MXRA8: variants seen among roughly 807,000 people sequenced by gnomAD.
MXRA8 encodes matrix remodeling associated 8.
In MXRA8, 44 loss-of-function variants were observed where a neutral mutation model predicts 51.4. That is an observed-to-expected ratio of 0.86 (90% confidence interval 0.67 to 1.10). The LOEUF (loss-of-function observed/expected upper bound fraction) is 1.10, where lower values mean the gene tolerates loss of function less well. Ranked by LOEUF, MXRA8 falls within the 50% of genes least tolerant of loss-of-function variation. The pLI is 0.00. For missense variants in MXRA8, 765 were observed against 638.9 expected, an observed-to-expected ratio of 1.20 and a Z score of -2.13; for synonymous variants, 369 against 293.5, an observed-to-expected ratio of 1.26 and a Z score of -2.63.
chr1:1,353,565 A>C lies in MXRA8; in HGVS notation c.*39T>G, dbSNP rs1644046637. On this transcript the variant is annotated 3_prime_UTR_variant, in exon 10 of 10. Coordinates refer to ENST00000309212, the MANE Select transcript of MXRA8 (RefSeq NM_032348.4). Reference sequence around the variant, plus strand: ...ATGCCCCGAGGAGCACAGACAGGAGAGGTGCAGCTGCTGGCCCAGCCAGGA... The same window carrying C: ...ATGCCCCGAGGAGCACAGACAGGAGCGGTGCAGCTGCTGGCCCAGCCAGGA... The C allele has an allele frequency of 6.4e-7, 1 of 1,553,788 alleles. No individual in the cohort carries two copies. Among genetic ancestry groups the C allele is most frequent in the African/African-American group, 1.4e-5 (1 of 73,712 alleles).
At chr1:1,353,773 A>G (rs1242613726) in intron 9 of MXRA8, 75 bp downstream of exon 9, 2 of 1,486,876 alleles carry the variant, frequency 1.3e-6, no homozygotes, top group Admixed American at 2.2e-5. Context: ...GGTGCCTGCC[A>G]TCGTTGGTCC....
At chr1:1,358,377 G>A (rs540410422) in intron 1 of MXRA8, 79 bp downstream of exon 1, 2 of 1,475,416 alleles carry the variant, frequency 1.4e-6, no homozygotes, top group Non-Finnish European at 1.8e-6. Flanking sequence ...CCCAAGCTCA[G>A]ATGGGCGGTT....
upstream of MXRA8, among the ~76,000 whole-genome samples, chr1:1,363,353 C>T (rs1644240015): frequency 2.0e-5 from 3 of 152,166 alleles, no homozygotes; most frequent in South Asian, 6.2e-4. Context: ...AACATCTTGG[C>T]CCACTGCAGC....
Position 1,355,512 on chromosome 1 carries a change from C to T in MXRA8, c.314G>A (p.Arg105His). 1.3e-6 allele frequency: 2 copies of T among 1,502,504 alleles called. No individual in the cohort carries two copies. Among genetic ancestry groups the T allele is most frequent in the Non-Finnish European group, 1.8e-6 (2 of 1,137,196 alleles). The allele number at this position is 1,502,504 out of a possible 1,614,324, so 93.1% of individuals were successfully genotyped here. A position where few individuals can be genotyped will look rare whatever the true frequency, so the allele number is the denominator to read the frequency against. The change falls in exon 3 of 10, where the codon CGC becomes CAC. Residue 105 changes from arginine to histidine, a missense_variant. Arg to His is a conservative substitution (Grantham distance 29). Transcript: ENST00000309212. ...CGAGGCCGAGAGCTCCAGGCGGCCG[C>T]GGTCCCGCGCCTCGTACACGCGCTG... The part of the protein sequence containing the change: ...GEQRVYEARD[R>H]GRLELSASAF...
chr1:1,360,791 C>T (rs1322220614), upstream of MXRA8, among the ~76,000 whole-genome samples: 1 of 152,172 alleles, frequency 6.6e-6, no homozygotes, highest in African/African-American at 2.4e-5. Context: ...GGAAGAAAAA[C>T]CACAGGCACT....
In MXRA8 at chr1:1,353,518, G is replaced by C; in HGVS notation, c.*86C>G. On this transcript the variant is annotated 3_prime_UTR_variant, in exon 10 of 10. Transcript: ENST00000309212. ...AGCGGGACCAGCCGCTGGAAGGGGG[G>C]TGAGCCCCGGAGCATCAGGAGATGC... 1 of 1,516,836 alleles carries C rather than the reference G, an allele frequency of 6.6e-7. No homozygotes were observed. The highest frequency in any genetic ancestry group is 8.8e-7 in the Non-Finnish European group (1 of 1,130,786). 94.0% of individuals were successfully genotyped at this position (1,516,836 alleles called of 1,614,324 possible).
At chr1:1,357,492 C>T (rs973701356) in intron 1 of MXRA8, among the ~76,000 whole-genome samples, 5 of 152,138 alleles carry the variant, frequency 3.3e-5, no homozygotes, top group African/African-American at 1.2e-4. Context: ...GGGCTCGTGC[C>T]GCTTGCCTTA....
In MXRA8 at chr1:1,355,601, C is replaced by G. The variant is rs1644109300; in HGVS notation, c.225G>C (p.Trp75Cys). Residue 75 changes from tryptophan to cysteine, a missense_variant, in exon 3 of 10, where the codon TGG (tryptophan) becomes TGC (cysteine). Coordinates refer to ENST00000309212, the MANE Select transcript of MXRA8 (RefSeq NM_032348.4). ...GGCCACCCCCGGGGCCGCGCAGGTCCCAGTGGAGCACGCGCTGGCGGTCGT... is the reference window on the plus strand; with the variant it reads ...GGCCACCCCCGGGGCCGCGCAGGTCGCAGTGGAGCACGCGCTGGCGGTCGT... ...RLHDRQRVLH[W>C]DLRGPGGGPA... is the part of the protein sequence containing the mutation. The G allele has an allele frequency of 6.8e-7, 1 of 1,472,188 alleles. No homozygotes were observed. The highest frequency in any genetic ancestry group is 1.3e-5 in the South Asian group (1 of 77,448). 91.2% of individuals were successfully genotyped at this position (1,472,188 alleles called of 1,614,324 possible).
At chr1:1,358,610 G>T, upstream of MXRA8, 1 of 1,475,430 alleles carries the variant, frequency 6.8e-7, no homozygotes, top group Non-Finnish European at 9.0e-7. Flanking sequence ...ACATCACGGA[G>T]GCCTGGGCCT....
In MXRA8 at chr1:1,354,061, C is replaced by T. The variant is rs995458657; in HGVS notation, c.1191G>A (p.Gln397=). The T allele has an allele frequency of 6.2e-7, 1 of 1,612,988 alleles. No homozygotes were observed. The highest frequency in any genetic ancestry group is 1.3e-5 in the African/African-American group (1 of 75,062). Reference sequence around the variant, plus strand: ...GGATGTCCTCACTCCTGTAAAGCATCTGGTCCCCTGCAGCCACAGCGAACT... The same window carrying T: ...GGATGTCCTCACTCCTGTAAAGCATTTGGTCCCCTGCAGCCACAGCGAACT... ...LAEFAVAAGD[Q]MLYRSEDIQL... Residue 397 remains glutamine, a synonymous_variant, in exon 8 of 10, where the codon CAG becomes CAA. Coordinates refer to ENST00000309212, the MANE Select transcript of MXRA8 (RefSeq NM_032348.4).
upstream of MXRA8, among the ~76,000 whole-genome samples, chr1:1,359,844 C>G (rs1644198129): frequency 6.6e-6 from 1 of 152,184 alleles, no homozygotes; most frequent in Admixed American, 6.5e-5. Context: ...GCCTTTCATT[C>G]TGGAAAAACA....
rs1198414113 is a variant in MXRA8 at position 1,355,363 on chromosome 1, A to G, written c.377-18T>C. The G allele has an allele frequency of 6.4e-7, 1 of 1,567,176 alleles. No homozygotes were observed. Among genetic ancestry groups the G allele is most frequent in the Non-Finnish European group, 8.6e-7 (1 of 1,161,476 alleles). ...CTCCACCGCTGCGCACCCAGGAGGA[A>G]GCCGCGCGTGAGCCTTGCGGTGCCC... On this transcript the variant is annotated intron_variant, in intron 3 of 9. Transcript: ENST00000309212.
chr1:1,358,657 C>T (rs138031700), upstream of MXRA8: 3,346 of 1,408,710 alleles, frequency 2.4e-3, 84 homozygotes, highest in African/African-American at 0.044. Context: ...TGGCTCCTGC[C>T]GGGCCCCTTG....
At position 1,355,464 on chromosome 1, in the gene MXRA8, G is replaced by A; in HGVS notation, c.362C>T (p.Ser121Leu). The A allele has an allele frequency of 6.6e-7, 1 of 1,508,122 alleles. No homozygotes were observed. The highest frequency in any genetic ancestry group is 2.7e-5 in the East Asian group (1 of 36,820). The allele number at this position is 1,508,122 out of a possible 1,614,324, so 93.4% of individuals were successfully genotyped here. A position where few individuals can be genotyped will look rare whatever the true frequency, so the allele number is the denominator to read the frequency against. ...GGTCCCCGCACCGCGGATGAGCAGC[G>A]AGAAGTTGCCGTCGTCGAAGGCCGA... ...SASAFDDGNF[S>L]LLIRAVEETD... Residue 121 changes from serine to leucine, a missense_variant, in exon 3 of 10, where the codon TCG becomes TTG. By Grantham distance (145) the Ser-to-Leu change is moderately radical. Coordinates refer to ENST00000309212, the MANE Select transcript of MXRA8 (RefSeq NM_032348.4).
Position 1,358,528 on chromosome 1 carries a change from T to A in MXRA8, c.-24A>T, listed in dbSNP as rs759147986. 3 of 1,609,570 alleles carry A rather than the reference T, an allele frequency of 1.9e-6. No individual in the cohort carries two copies. The African/African-American group carries it at 4.0e-5, about 22-fold the overall frequency. ...ATGGCCCCCGCCCAGCCCCAGGCTTTGTCCCACTCGGCTCTAAGTCTCTCT... is the reference window on the plus strand; with the variant it reads ...ATGGCCCCCGCCCAGCCCCAGGCTTAGTCCCACTCGGCTCTAAGTCTCTCT... On this transcript the variant is annotated 5_prime_UTR_variant, in exon 1 of 10. Coordinates refer to ENST00000309212, the MANE Select transcript of MXRA8 (RefSeq NM_032348.4).
At chr1:1,363,158 C>G (rs1360321812), upstream of MXRA8, among the ~76,000 whole-genome samples, 1 of 151,968 alleles carries the variant, frequency 6.6e-6, no homozygotes, top group Non-Finnish European at 1.5e-5. Context: ...TGGTGTGCAC[C>G]TGTAGTCCGA....
In MXRA8 at chr1:1,355,489, A is replaced by C; in HGVS notation, c.337T>G (p.Ser113Ala). ...RDRGRLELSA[S>A]AFDDGNFSLL... Reference sequence around the variant, plus strand: ...GAGAAGTTGCCGTCGTCGAAGGCCGAGGCCGAGAGCTCCAGGCGGCCGCGG... The same window carrying C: ...GAGAAGTTGCCGTCGTCGAAGGCCGCGGCCGAGAGCTCCAGGCGGCCGCGG... Residue 113 changes from serine (S) to alanine (A), a missense_variant, in exon 3 of 10, where the codon TCG (serine) becomes GCG (alanine). By Grantham distance (99) the Ser-to-Ala change is moderately conservative (BLOSUM62 1). Transcript: ENST00000309212. The C allele has an allele frequency of 6.6e-7, 1 of 1,510,632 alleles. No individual in the cohort carries two copies. The highest frequency in any genetic ancestry group is 1.2e-5 in the South Asian group (1 of 80,988). The allele number at this position is 1,510,632 out of a possible 1,614,324, so 93.6% of individuals were successfully genotyped here.
chr1:1,356,444 T>C (rs1299512853), intron 2 of MXRA8, among the ~76,000 whole-genome samples: 1 of 31,034 alleles, frequency 3.2e-5, no homozygotes, highest in African/African-American at 1.4e-4. Context: ...CCGAGGGCCC[T>C]GGTGGGTGTG....
chr1:1,357,451 G>A (rs1420002858), intron 1 of MXRA8, among the ~76,000 whole-genome samples: 1 of 151,664 alleles, frequency 6.6e-6, no homozygotes, highest in East Asian at 1.9e-4. Flanking sequence ...GCTGCACCAC[G>A]GAGTCCCCCC....
Sources: allele counts gnomAD v4.1 joint callset (sites outside exome capture counted in the v4.1 genomes callset), GRCh38; gene constraint gnomAD v4.1.1; transcripts MANE v1.5; gene names NCBI Gene and HGNC (gene_info 2026-07-23, HGNC 2026-07-21).